Variants in KIF15 observed in about 807,000 individuals in gnomAD.
KIF15 encodes the protein kinesin family member 15.
In KIF15, 140 loss-of-function variants were observed where a neutral mutation model predicts 190.6. The observed-to-expected ratio is 0.73, with a 90% CI of 0.64 to 0.84. The LOEUF (loss-of-function observed/expected upper bound fraction) is 0.84, where lower values mean the gene tolerates loss of function less well. KIF15 is among the 40% of genes least tolerant of loss of function. The probability of loss-of-function intolerance (pLI) is 0.00; values close to 1 mark genes in which losing one functional copy is unlikely to be tolerated. For synonymous variants in KIF15, 528 were observed against 551.3 expected, an observed-to-expected ratio of 0.96 and a Z score of 0.59; for missense variants, 1,372 against 1,584.4, an observed-to-expected ratio of 0.87 and a Z score of 2.28.
intron 6 of KIF15, among the ~76,000 whole-genome samples, chr3:44,860,319 A>G (rs1196995386): frequency 2.0e-5 from 3 of 152,024 alleles, no homozygotes; most frequent in Non-Finnish European, 2.9e-5. Context: ...CTGAGCCTCA[A>G]TTTCCTCATC....
rs1189254544 is a variant in KIF15, at chr3:44,831,016, G to A, written c.3169G>A (p.Glu1057Lys). 1.2e-6 allele frequency: 2 copies of A among 1,613,672 alleles called. No individual in the cohort carries two copies. Among genetic ancestry groups the A allele is most frequent in the African/African-American group, 1.3e-5 (1 of 74,922 alleles). ...GCTGAGAATACTTTCTGAGGACATA[G>A]AGGTAGGTATTAACGCATCACAGCT... ...LRLRILSEDI[E>K]RDMLCEDLAH... The change falls in exon 26 of 35, where the codon GAG becomes AAG. Residue 1057 changes from glutamate (E) to lysine (K), a missense_variant and splice_region_variant. Coordinates refer to ENST00000326047, the MANE Select transcript of KIF15 (RefSeq NM_020242.3).
Position 44,866,103 on chromosome 3 carries a change from C to T in KIF15, c.*60-7226C>T, listed in dbSNP as rs188612026. Among the ~76,000 whole-genome samples, 425 of 142,042 alleles carry T rather than the reference C, an allele frequency of 3.0e-3. 3 individuals carry two copies. Among genetic ancestry groups the T allele is most frequent in the African/African-American group, 0.01 (396 of 38,918 alleles). The allele number at this position is 142,042 out of a possible 152,430, so 93.2% of individuals were successfully genotyped here. A position where few individuals can be genotyped will look rare whatever the true frequency, so the allele number is the denominator to read the frequency against. ...GGGTTTTTTTTTTTTGAGACAGTCTCGCTCTGTCACCCAGGCTGGAGTGCA... is the reference window on the plus strand; with the variant it reads ...GGGTTTTTTTTTTTTGAGACAGTCTTGCTCTGTCACCCAGGCTGGAGTGCA... On this transcript the variant is annotated intron_variant and NMD_transcript_variant, in intron 6 of 6. Transcript: ENST00000422209.
At chr3:44,809,870 C>T (rs1707710989) in intron 16 of KIF15, among the ~76,000 whole-genome samples, 1 of 152,038 alleles carries the variant, frequency 6.6e-6, no homozygotes, top group Admixed American at 6.6e-5. Context: ...AGTTGGAGAC[C>T]AGCCTGGCCA....
At chr3:44,863,052 C>A (rs1423743857) in intron 6 of KIF15, 2 of 151,976 alleles carry the variant, frequency 1.3e-5, no homozygotes, top group South Asian at 2.1e-4. Flanking sequence ...CAACTCGCGG[C>A]CCAACGCAAA....
chr3:44,784,636 T>C (rs1706323988), intron 5 of KIF15, among the ~76,000 whole-genome samples: 1 of 152,186 alleles, frequency 6.6e-6, no homozygotes, highest in South Asian at 2.1e-4. Flanking sequence ...TGTGCTGCAA[T>C]AAAGGACAAT....
chr3:44,762,028 C>A, intron 1 of KIF15, 144 bp downstream of exon 1: 2 of 985,406 alleles, frequency 2.0e-6, no homozygotes, highest in South Asian at 1.4e-5. Context: ...TTGGGAATCC[C>A]GCTCTGTCGC....
intron 10 of KIF15, among the ~76,000 whole-genome samples, 188 bp downstream of exon 10, chr3:44,798,144 T>C (rs949993458): frequency 2.0e-5 from 3 of 151,870 alleles, no homozygotes; most frequent in African/African-American, 7.2e-5. Flanking sequence ...TTAGATCTTA[T>C]GGTTGTTATT....
At chr3:44,863,984 T>C (rs1483739757) in intron 6 of KIF15, 6 of 562,312 alleles carry the variant, frequency 1.1e-5, no homozygotes, top group Non-Finnish European at 1.6e-5. Flanking sequence ...CAAATGAGTA[T>C]CTTCTCTGAA....
chr3:44,845,813 G>A (rs1288731246), intron 30 of KIF15, among the ~76,000 whole-genome samples: 1 of 152,144 alleles, frequency 6.6e-6, no homozygotes, highest in Non-Finnish European at 1.5e-5. Flanking sequence ...TTTCAGACAA[G>A]CTGCCAGCAC....
At chr3:44,782,476 C>A (rs1395526316) in intron 5 of KIF15, among the ~76,000 whole-genome samples, 1 of 152,192 alleles carries the variant, frequency 6.6e-6, no homozygotes, top group East Asian at 1.9e-4. Context: ...TTACAGTATG[C>A]CCAGCACTCT....
intron 1 of KIF15, among the ~76,000 whole-genome samples, chr3:44,765,136 A>C (rs1292919225): frequency 6.6e-6 from 1 of 152,246 alleles, no homozygotes; most frequent in Non-Finnish European, 1.5e-5. Flanking sequence ...AACTATCTAC[A>C]TTTGTGTAGT....
intron 24 of KIF15, 40 bp downstream of exon 24, chr3:44,828,340 T>A: frequency 7.3e-7 from 1 of 1,378,132 alleles, no homozygotes; most frequent in Non-Finnish European, 1.0e-6. Flanking sequence ...GTGCATTTTC[T>A]TATAAATGCT....
intron 32 of KIF15, among the ~76,000 whole-genome samples, chr3:44,849,195 T>A (rs1019505524): frequency 6.6e-6 from 1 of 152,214 alleles, no homozygotes; most frequent in South Asian, 2.1e-4. Flanking sequence ...TTATACTGAT[T>A]TAAAGGATTT....
downstream of KIF15, among the ~76,000 whole-genome samples, chr3:44,854,968 A>G (rs1220157909): frequency 1.3e-5 from 2 of 152,214 alleles, no homozygotes; most frequent in Non-Finnish European, 2.9e-5. Flanking sequence ...TAAGACTTCA[A>G]CATATCTTTT....
chr3:44,772,733 T>G (rs557309374), intron 1 of KIF15, among the ~76,000 whole-genome samples: 4 of 152,204 alleles, frequency 2.6e-5, no homozygotes, highest in African/African-American at 9.6e-5. Context: ...GGAAAGAGAA[T>G]CAACAAATAG....
intron 20 of KIF15, 105 bp from the exon 21 acceptor site, chr3:44,825,934 G>A: frequency 1.0e-6 from 1 of 1,003,360 alleles, no homozygotes; most frequent in South Asian, 1.6e-5. Flanking sequence ...GCTTATGTGA[G>A]TTGGGAATGG....
At position 44,810,671 on chromosome 3, in the gene KIF15, G is replaced by A. The variant is rs147761275; in HGVS notation, c.1972-175G>A. 5.6e-3 allele frequency among the ~76,000 whole-genome samples: 855 copies of A among 152,242 alleles called. 5 individuals carry two copies. Among genetic ancestry groups the A allele is most frequent in the Middle Eastern group, 0.024 (7 of 294 alleles). ...TTGTATTAGAATTTTGCTTGGGACT[G>A]CATTGAATTGATAAATTTATTTCCA... On this transcript the variant is annotated intron_variant, in intron 16 of 34. Transcript: ENST00000326047.
At chr3:44,862,872 C>T (rs1278138362) in intron 6 of KIF15, 1 of 151,866 alleles carries the variant, frequency 6.6e-6, no homozygotes, top group Non-Finnish European at 1.5e-5. Flanking sequence ...TAGTAGCTGC[C>T]ATGCTTCAGG....
intron 20 of KIF15, among the ~76,000 whole-genome samples, chr3:44,821,010 C>T (rs1184236602): frequency 2.1e-4 from 14 of 68,148 alleles, no homozygotes; most frequent in East Asian, 1.5e-3. Context: ...CCGGACGGGG[C>T]GGCTGGCCGG....
Sources: allele counts gnomAD v4.1 joint callset (sites outside exome capture counted in the v4.1 genomes callset), GRCh38; gene constraint gnomAD v4.1.1; transcripts MANE v1.5; gene names NCBI Gene and HGNC (gene_info 2026-07-23, HGNC 2026-07-21).